The following NPEPL1 variants were observed in gnomAD, a reference collection of about 807,000 sequenced individuals.
NPEPL1 encodes the protein aminopeptidase like 1.
In NPEPL1, 45 loss-of-function variants were observed where a neutral mutation model predicts 52.4. The observed-to-expected ratio is 0.86, with a 90% confidence interval of 0.68 to 1.10. The LOEUF is 1.10. NPEPL1 is among the 50% of genes least tolerant of loss of function. NPEPL1 has a pLI of 0.00. For synonymous variants in NPEPL1, 360 were observed against 314.7 expected (o/e 1.14, Z -1.52); for missense variants, 696 against 710.9 (o/e 0.98, Z 0.24).
chr20:58,703,941 G>A, intron 6 of NPEPL1: 1 of 985,406 alleles, frequency 1.0e-6, no homozygotes, highest in Non-Finnish European at 1.2e-6. Flanking sequence ...ATACCAGGAA[G>A]AGCTGGGTGT....
Position 58,715,206 on chromosome 20 carries a change from GGCGCT to G in NPEPL1, c.1453_1457del (p.Ala485LeufsTer6). The G allele has an allele frequency of 6.2e-7, 1 of 1,607,774 alleles. No individual in the cohort carries two copies. Among genetic ancestry groups the G allele is most frequent in the Admixed American group, 1.7e-5 (1 of 59,518 alleles). ...CAGGCTTCGGTGTGGCCCTCCTGCT[GGCGCT>G]CTTCGGCCGTGCCTCTGAGGACCCT... On this transcript the variant is annotated frameshift_variant, in exon 12 of 12. Coordinates refer to ENST00000356091, the MANE Select transcript of NPEPL1 (RefSeq NM_024663.4). LOFTEE classifies it high-confidence loss of function.
At chr20:58,703,725 C>T (rs186039775) in intron 6 of NPEPL1, 4 of 984,548 alleles carry the variant, frequency 4.1e-6, no homozygotes, top group Non-Finnish European at 4.8e-6. Context: ...AGCTCCCGGC[C>T]TGGAAATTAA....
chr20:58,698,675 T>G lies in NPEPL1; in HGVS notation c.508-9T>G. On this transcript the variant is annotated splice_polypyrimidine_tract_variant and intron_variant, in intron 3 of 11. Coordinates refer to ENST00000356091, the MANE Select transcript of NPEPL1 (RefSeq NM_024663.4). ...ACCTGGTCCCCAGTGATGGCCTTTT[T>G]CTCCCTAGTGCTTAGCGAATGCCAC... 1 of 1,611,584 alleles carries G rather than the reference T, an allele frequency of 6.2e-7. No individual in the cohort carries two copies. The highest frequency in any genetic ancestry group is 8.5e-7 in the Non-Finnish European group (1 of 1,179,346).
upstream of NPEPL1, chr20:58,691,862 G>A (rs1348371650): frequency 3.0e-6 from 4 of 1,353,358 alleles, no homozygotes; most frequent in East Asian, 1.0e-4. Context: ...ATGACTCCTG[G>A]GTGGAGCTTC....
chr20:58,702,778 AAC>A (rs2123116257), intron 6 of NPEPL1, among the ~76,000 whole-genome samples: 1 of 152,344 alleles, frequency 6.6e-6, no homozygotes, highest in South Asian at 2.1e-4. Flanking sequence ...CTCGTGAGGC[AAC>A]AGATACACAG....
rs547084121 is a variant in NPEPL1 at position 58,693,851 on chromosome 20, C to T, written c.265C>T (p.Pro89Ser). The change falls in exon 2 of 12, where the codon CCC (proline) becomes TCC (serine). Residue 89 changes from proline to serine, a missense_variant. Pro to Ser is a moderately conservative substitution (Grantham distance 74, BLOSUM62 -1). Transcript: ENST00000356091. ...CTGCAGGGTGAGCCGGCACAACAGC[C>T]CCTCGGCCGCCCACTTCATCACGCG... ...LPCRVSRHNS[P>S]SAAHFITRLV... 4 of 1,613,634 alleles carry T rather than the reference C, an allele frequency of 2.5e-6. No homozygotes were observed. Among genetic ancestry groups the T allele is most frequent in the African/African-American group, 1.3e-5 (1 of 75,058 alleles).
chr20:58,700,196 A>C (rs573493223), intron 5 of NPEPL1, among the ~76,000 whole-genome samples: 1 of 152,202 alleles, frequency 6.6e-6, no homozygotes, highest in Non-Finnish European at 1.5e-5. Context: ...TTTTTCTGTG[A>C]CCTAATCCCA....
rs555173000 is a variant in NPEPL1, at chr20:58,713,762, G to A, written c.1126-155G>A. ...GGAACCGCCTCCTGTGTGCTTCATG[G>A]CCATGGTCCTTTCTGCCTGTGTTTT... On this transcript the variant is annotated intron_variant, in intron 9 of 11. Coordinates refer to ENST00000356091, the MANE Select transcript of NPEPL1 (RefSeq NM_024663.4). This position sits in a 1 kb window ranked among gnomAD's most constrained non-coding sequence, Gnocchi z 4.6. 9.4e-7 allele frequency: 1 copy of A among 1,066,404 alleles called. No homozygotes were observed. The highest frequency in any genetic ancestry group is 2.8e-5 in the East Asian group (1 of 35,304). 66.1% of individuals were successfully genotyped at this position (1,066,404 alleles called of 1,614,324 possible).
Position 58,713,790 on chromosome 20 carries a change from CT to C in NPEPL1, c.1126-120del. ...ATGGTCCTTTCTGCCTGTGTTTTTTCTTTTTTTCTCAACCGTCTCTTTTCTG... is the reference window on the plus strand; with the variant it reads ...ATGGTCCTTTCTGCCTGTGTTTTTTCTTTTTTCTCAACCGTCTCTTTTCTG... On this transcript the variant is annotated intron_variant, in intron 9 of 11. Transcript: ENST00000356091. This position sits in a 1 kb window ranked among gnomAD's most constrained non-coding sequence, Gnocchi z 4.6. The C allele has an allele frequency of 8.3e-7, 1 of 1,200,318 alleles. No individual in the cohort carries two copies. The allele number at this position is 1,200,318 out of a possible 1,614,324, so 74.4% of individuals were successfully genotyped here. A position where few individuals can be genotyped will look rare whatever the true frequency, so the allele number is the denominator to read the frequency against.
At chr20:58,695,943 C>T (rs2084480865) in intron 3 of NPEPL1, among the ~76,000 whole-genome samples, 1 of 152,156 alleles carries the variant, frequency 6.6e-6, no homozygotes, top group Non-Finnish European at 1.5e-5. Context: ...TCCCGCTGCT[C>T]CCCAGACTGC....
intron 6 of NPEPL1, chr20:58,704,386 G>T: frequency 2.0e-6 from 2 of 985,200 alleles, no homozygotes; most frequent in Non-Finnish European, 2.4e-6. Flanking sequence ...ACCCCTTTAC[G>T]CTCTTAACAA....
upstream of NPEPL1, chr20:58,690,997 C>A (rs2084333470): frequency 3.0e-6 from 2 of 657,806 alleles, no homozygotes; most frequent in Non-Finnish European, 2.8e-6. Context: ...GGTTTCAGAG[C>A]CTGCTGGACA....
rs1048072661 is a variant in NPEPL1, at chr20:58,713,413, G to T, written c.1002-7G>T. The T allele has an allele frequency of 1.3e-5, 20 of 1,595,524 alleles. No homozygotes were observed. Among genetic ancestry groups the T allele is most frequent in the Middle Eastern group, 1.7e-4 (1 of 6,020 alleles). ...GTCCCTGAGCGGGGATCTCTACCAT[G>T]CCCCAGGACGGTGGAAATCAACAAC... On this transcript the variant is annotated splice_polypyrimidine_tract_variant and splice_region_variant and intron_variant, in intron 8 of 11. Transcript: ENST00000356091. The surrounding 1 kb of genome is among the most constrained non-coding windows in gnomAD (Gnocchi z 4.6).
intron 3 of NPEPL1, among the ~76,000 whole-genome samples, chr20:58,695,296 ATGAG>A (rs2084461729): frequency 1.6e-4 from 1 of 6,076 alleles, no homozygotes; most frequent in Non-Finnish European, 3.7e-4. Flanking sequence ...CTGTGTGTGT[ATGAG>A]TGCTAGTGTG....
At chr20:58,704,409 A>G (rs887610909) in intron 6 of NPEPL1, 1 of 980,722 alleles carries the variant, frequency 1.0e-6, no homozygotes, top group Non-Finnish European at 1.2e-6. Context: ...ACCGACCCCA[A>G]AGAGGCTTTT....
In NPEPL1 at chr20:58,713,534, C is replaced by T. The variant is rs771859145; in HGVS notation, c.1116C>T (p.Thr372=). The T allele has an allele frequency of 4.5e-5, 72 of 1,605,726 alleles. No individual in the cohort carries two copies. The highest frequency in any genetic ancestry group is 8.0e-5 in the African/African-American group (6 of 74,810). The change falls in exon 9 of 12, where the codon ACC becomes ACT. Residue 372 remains threonine, a synonymous_variant. Transcript: ENST00000356091. This position sits in a 1 kb window ranked among gnomAD's most constrained non-coding sequence, Gnocchi z 4.6. ...ADIILDMATL[T]GAQGIATGKY... Reference sequence around the variant, plus strand: ...TCATCCTGGACATGGCCACCCTGACCGGGGCTCAGGTGAGTGCTCCCTGGA... The same window carrying T: ...TCATCCTGGACATGGCCACCCTGACTGGGGCTCAGGTGAGTGCTCCCTGGA...
At chr20:58,691,401 T>TTTTTTTTTTGG, upstream of NPEPL1, 1 of 435,094 alleles carries the variant, frequency 2.3e-6, no homozygotes, top group Non-Finnish European at 4.0e-6. Flanking sequence ...TTTTTTTTTT[T>TTTTTTTTTTGG]GAGTGCCTGC....
chr20:58,711,336 C>T (rs2084837849), intron 7 of NPEPL1: 1 of 152,082 alleles, frequency 6.6e-6, no homozygotes, highest in Non-Finnish European at 1.5e-5. Context: ...CAGGAGGCCT[C>T]AGCACAGGGA....
At chr20:58,697,237 G>A (rs2084512003) in intron 3 of NPEPL1, among the ~76,000 whole-genome samples, 1 of 152,232 alleles carries the variant, frequency 6.6e-6, no homozygotes, top group African/African-American at 2.4e-5. Flanking sequence ...TGTGTTGGTG[G>A]AGGGCACCCG....
Sources: allele counts gnomAD v4.1 joint callset (sites outside exome capture counted in the v4.1 genomes callset), GRCh38; gene constraint gnomAD v4.1.1; non-coding constraint Gnocchi (gnomAD v3.1); transcripts MANE v1.5; gene names NCBI Gene and HGNC (gene_info 2026-07-23, HGNC 2026-07-21).